Variants in ELL observed in about 807,000 individuals in gnomAD.
ELL encodes the protein elongation factor for RNA polymerase II, also known as RNA polymerase II elongation factor ELL.
ELL carries 18 observed loss-of-function variants against 64.0 expected under a neutral mutation model. The observed-to-expected ratio is 0.28, with a 90% confidence interval of 0.19 to 0.42. The LOEUF is 0.42. Ranked by LOEUF, ELL falls within the 10% of genes least tolerant of loss-of-function variation. The pLI, the probability that ELL is intolerant of heterozygous loss-of-function variation, is 1.00. For synonymous variants in ELL, 399 were observed against 376.2 expected, an observed-to-expected ratio of 1.06 and a Z score of -0.70; for missense variants, 797 against 870.4, an observed-to-expected ratio of 0.92 and a Z score of 1.06.
In ELL at chr19:18,499,550, A is replaced by G. The variant is rs572673241; in HGVS notation, c.135+22371T>C. Among the ~76,000 whole-genome samples, 6 of 152,336 alleles carry G rather than the reference A, an allele frequency of 3.9e-5. No individual in the cohort carries two copies. The South Asian group carries it at 1.2e-3, about 32-fold the overall frequency. ...GGGGCAAGGTCTCGGGCCCCTGTAG[A>G]CTTCCCAGGGTTGGGGAGATGGTCC... On this transcript the variant is annotated intron_variant, in intron 1 of 11. Coordinates refer to ENST00000262809, the MANE Select transcript of ELL (RefSeq NM_006532.4).
intron 1 of ELL, among the ~76,000 whole-genome samples, chr19:18,476,940 A>G (rs531783248): frequency 6.6e-5 from 10 of 152,286 alleles, no homozygotes; most frequent in African/African-American, 2.4e-4. Context: ...TCGGGCAGGG[A>G]CCCACCTCAT....
chr19:18,492,076 G>C (rs982829711), intron 1 of ELL, among the ~76,000 whole-genome samples: 1 of 152,030 alleles, frequency 6.6e-6, no homozygotes, highest in African/African-American at 2.4e-5. Flanking sequence ...TGTTCAGATT[G>C]TCCCAGGCTG....
intron 1 of ELL, among the ~76,000 whole-genome samples, chr19:18,504,785 C>T (rs1228751873): frequency 6.6e-6 from 1 of 152,208 alleles, no homozygotes; most frequent in African/African-American, 2.4e-5. Flanking sequence ...ATGAGAAACA[C>T]TGCATATACC....
intron 1 of ELL, among the ~76,000 whole-genome samples, chr19:18,521,553 G>A (rs1035589936): frequency 2.6e-4 from 40 of 152,332 alleles, no homozygotes; most frequent in Admixed American, 5.2e-4. Flanking sequence ...CCGGGACCGT[G>A]CGGCCCACCG....
intron 2 of ELL, chr19:18,472,394 C>CA (rs1396382221): frequency 1.2e-5 from 2 of 167,694 alleles, no homozygotes; most frequent in Non-Finnish European, 2.5e-5. Context: ...AGATCCCTGG[C>CA]ATGCGCAGTT....
chr19:18,507,900 T>C (rs560190148), intron 1 of ELL, among the ~76,000 whole-genome samples: 36 of 152,224 alleles, frequency 2.4e-4, no homozygotes, highest in African/African-American at 8.2e-4. Context: ...TCCCCAGAGA[T>C]GAGGATGCAG....
chr19:18,450,572 T>C lies in ELL; in HGVS notation c.1370A>G (p.Asp457Gly), dbSNP rs767832725. ...CTTGTCCTCAGCCGCCCTCTCCTTG[T>C]CTTTGTGCTTCTTGGACTTCTTCTT... ...KPKKKSKKHK[D>G]KERAAEDKPR... The change falls in exon 8 of 12, where the codon GAC becomes GGC. Residue 457 changes from aspartate (D) to glycine (G), a missense_variant. Transcript: ENST00000262809. The C allele has an allele frequency of 1.2e-6, 2 of 1,612,658 alleles. No homozygotes were observed. The highest frequency in any genetic ancestry group is 1.7e-5 in the Admixed American group (1 of 59,962).
At chr19:18,487,459 G>C (rs1319700470) in intron 1 of ELL, among the ~76,000 whole-genome samples, 2 of 152,244 alleles carry the variant, frequency 1.3e-5, no homozygotes, top group African/African-American at 4.8e-5. Flanking sequence ...ACAGATCCCT[G>C]AATGTGCTGT....
In ELL at chr19:18,445,200, C is replaced by A. The variant is rs772703927; in HGVS notation, c.1749+24G>T. On this transcript the variant is annotated intron_variant, in intron 11 of 11. Transcript: ENST00000262809. The stretch of plus-strand genomic sequence containing the variant: ...CAGCTCCCATGGCTCACTTGGAGCC[C>A]ACCCCAACACAAGAGACACTCACCT... 3 of 1,613,982 alleles carry A rather than the reference C, an allele frequency of 1.9e-6. No homozygotes were observed. The Admixed American group carries it at 5.0e-5, about 27-fold the overall frequency.
At chr19:18,497,543 G>C (rs1269352142) in intron 1 of ELL, among the ~76,000 whole-genome samples, 3 of 152,146 alleles carry the variant, frequency 2.0e-5, no homozygotes, top group African/African-American at 7.2e-5. Context: ...CGTCAGGCTG[G>C]GTGTGGTGGC....
chr19:18,477,377 C>T (rs1975199420), intron 1 of ELL, among the ~76,000 whole-genome samples: 1 of 152,156 alleles, frequency 6.6e-6, no homozygotes, highest in Non-Finnish European at 1.5e-5. Flanking sequence ...GGGGATCCCA[C>T]GTGCAAGTAA....
At chr19:18,460,885 T>G (rs1169569335) in intron 5 of ELL, among the ~76,000 whole-genome samples, 2 of 152,188 alleles carry the variant, frequency 1.3e-5, no homozygotes, top group Non-Finnish European at 2.9e-5. Context: ...CTGCATAGCC[T>G]GGCTAATGTT....
chr19:18,461,653 A>G lies in ELL; in HGVS notation c.669T>C (p.Ala223=). 2 of 1,612,642 alleles carry G rather than the reference A, an allele frequency of 1.2e-6. No homozygotes were observed. The highest frequency in any genetic ancestry group is 1.7e-6 in the Non-Finnish European group (2 of 1,179,964). ...HLLALRPYRK[A]ELLLRLQKDG... ...CCTTCTGCAGTCGCAGCAGCAGCTC[A>G]GCCTTGCGGTAGGGCCGTAGTGCCA... The change falls in exon 5 of 12, where the codon GCT becomes GCC. Residue 223 remains alanine (A), a synonymous_variant. Coordinates refer to ENST00000262809, the MANE Select transcript of ELL (RefSeq NM_006532.4).
At chr19:18,517,233 G>T (rs1976149386) in intron 1 of ELL, among the ~76,000 whole-genome samples, 1 of 152,074 alleles carries the variant, frequency 6.6e-6, no homozygotes, top group Non-Finnish European at 1.5e-5. Flanking sequence ...AGATCCACAA[G>T]AACAGCCACC....
At chr19:18,485,369 C>T (rs1469107422) in intron 1 of ELL, among the ~76,000 whole-genome samples, 1 of 152,204 alleles carries the variant, frequency 6.6e-6, no homozygotes, top group Non-Finnish European at 1.5e-5. Context: ...TAGAGCGCCT[C>T]CTCTCTGCCA....
intron 1 of ELL, among the ~76,000 whole-genome samples, chr19:18,488,279 C>T (rs555277949): frequency 3.3e-5 from 5 of 152,356 alleles, no homozygotes; most frequent in African/African-American, 9.6e-5. Flanking sequence ...TCAGAGCAAA[C>T]GGCCTGACAA....
intron 1 of ELL, among the ~76,000 whole-genome samples, chr19:18,502,507 T>C (rs984010402): frequency 2.0e-5 from 3 of 152,230 alleles, no homozygotes; most frequent in Non-Finnish European, 4.4e-5. Flanking sequence ...AGGGAAATCC[T>C]GCAACCAGCC....
chr19:18,508,032 A>G (rs1382336023), intron 1 of ELL, among the ~76,000 whole-genome samples: 1 of 152,216 alleles, frequency 6.6e-6, no homozygotes, highest in Non-Finnish European at 1.5e-5. Context: ...ACAGGTCACA[A>G]ATAAAGAGGC....
intron 6 of ELL, among the ~76,000 whole-genome samples, chr19:18,452,113 C>G (rs1974552271): frequency 1.3e-5 from 2 of 152,168 alleles, no homozygotes; most frequent in Non-Finnish European, 2.9e-5. Context: ...GGTGATGCAG[C>G]TGGGGAAGAA....
Sources: gnomAD v4.1 joint callset for allele counts (sites outside exome capture counted in the v4.1 genomes callset) on GRCh38, gnomAD v4.1.1 for gene constraint, MANE v1.5 for transcripts, NCBI Gene and HGNC (gene_info 2026-07-23, HGNC 2026-07-21) for gene names.